Variants in NUP107 observed in about 807,000 individuals in gnomAD.
NUP107 encodes the protein nuclear pore complex protein Nup107.
In NUP107, 101 loss-of-function variants were observed where a neutral mutation model predicts 141.0. The ratio of observed to expected loss-of-function variants is 0.72; its 90% CI spans 0.61 to 0.84. The LOEUF is 0.84. NUP107 is among the 40% of genes least tolerant of loss of function. The probability of loss-of-function intolerance (pLI) is 0.00; values close to 1 mark genes in which losing one functional copy is unlikely to be tolerated. For missense variants in NUP107, 941 were observed against 1,102.7 expected (o/e 0.85, Z 2.08); for synonymous variants, 319 against 363.9 (o/e 0.88, Z 1.41).
chr12:68,727,355 A>G lies in NUP107; in HGVS notation c.1700A>G (p.Glu567Gly). Reference protein sequence around the residue: ...FRTLGLQTKEEVSIEVLKTYI... With the variant: ...FRTLGLQTKEGVSIEVLKTYI... The stretch of plus-strand genomic sequence containing the variant: ...ATGTCTTTTTTTCCTATGAAGGAGG[A>G]AGTTTCTATTGAAGTTTTAAAGACA... Residue 567 changes from glutamate to glycine, a missense_variant, in exon 20 of 28, where the codon GAA becomes GGA. Glu to Gly is a moderately conservative substitution (Grantham distance 98). Transcript: ENST00000229179. 1 of 1,500,292 alleles carries G rather than the reference A, an allele frequency of 6.7e-7. No homozygotes were observed. Among genetic ancestry groups the G allele is most frequent in the Non-Finnish European group, 9.2e-7 (1 of 1,086,886 alleles). The allele number at this position is 1,500,292 out of a possible 1,614,324, so 92.9% of individuals were successfully genotyped here.
At position 68,721,971 on chromosome 12, in the gene NUP107, A is replaced by T. The variant is rs200373213; in HGVS notation, c.1442A>T (p.Glu481Val). ...TLDETEELPR[E>V]YLGANWTLEK... ...GATGAAACTGAAGAACTCCCTAGAGAATATCTGGGAGCAAAGTGAGTTTGT... is the reference window on the plus strand; with the variant it reads ...GATGAAACTGAAGAACTCCCTAGAGTATATCTGGGAGCAAAGTGAGTTTGT... Residue 481 changes from glutamate (E) to valine (V), a missense_variant, in exon 16 of 28, where the codon GAA becomes GTA. Coordinates refer to ENST00000229179, the MANE Select transcript of NUP107 (RefSeq NM_020401.4). 8 of 1,613,568 alleles carry T rather than the reference A, an allele frequency of 5.0e-6. No homozygotes were observed. Among genetic ancestry groups the T allele is most frequent in the Non-Finnish European group, 5.9e-6 (7 of 1,179,856 alleles).
rs2136030156 is a variant in NUP107, at chr12:68,719,583, G to C, written c.1180G>C (p.Glu394Gln). 1.9e-6 allele frequency: 3 copies of C among 1,611,860 alleles called. No individual in the cohort carries two copies. The highest frequency in any genetic ancestry group is 2.7e-5 in the African/African-American group (2 of 74,984). The part of the protein sequence containing the change: ...YHDPNVNGGT[E>Q]LEPVEGNPYR... ...TTTCTTTTGCTATTTTATAGGAACA[G>C]AATTAGAACCTGTTGAAGGGAATCC... The change falls in exon 14 of 28, where the codon GAA becomes CAA. Residue 394 changes from glutamate (E) to glutamine (Q), a missense_variant. Transcript: ENST00000229179.
chr12:68,723,107 G>A (rs1252979647), intron 17 of NUP107, among the ~76,000 whole-genome samples: 2 of 152,122 alleles, frequency 1.3e-5, no homozygotes, highest in Admixed American at 1.3e-4. Flanking sequence ...AGGTATGGTG[G>A]CTCACATCTG....
chr12:68,724,572 T>C (rs1592514711), intron 17 of NUP107, among the ~76,000 whole-genome samples: 1 of 151,254 alleles, frequency 6.6e-6, no homozygotes, highest in Non-Finnish European at 1.5e-5. Flanking sequence ...AGCTCAGGAG[T>C]TTGAGACCGG....
At position 68,719,248 on chromosome 12, in the gene NUP107, T is replaced by C. The variant is rs1280417571; in HGVS notation, c.1084-93T>C. ...TGTAATGGGATGGATGGAACATTTG[T>C]TCCATAAGTTATCTAAGCTTGTCAT... On this transcript the variant is annotated intron_variant, in intron 12 of 27. Transcript: ENST00000229179. The C allele has an allele frequency of 1.2e-5, 10 of 860,872 alleles. No individual in the cohort carries two copies. The East Asian group carries it at 1.3e-4, about 11-fold the overall frequency. The allele number at this position is 860,872 out of a possible 1,614,324, so 53.3% of individuals were successfully genotyped here.
chr12:68,714,892 C>T (rs1877032652), intron 11 of NUP107, among the ~76,000 whole-genome samples: 1 of 152,162 alleles, frequency 6.6e-6, no homozygotes, highest in Non-Finnish European at 1.5e-5. Context: ...CATATGTTCT[C>T]AAAAAGTACC....
chr12:68,688,916 G>A, intron 1 of NUP107, 46 bp from the exon 2 acceptor site: 1 of 1,388,406 alleles, frequency 7.2e-7, no homozygotes, highest in Non-Finnish European at 1.0e-6. Flanking sequence ...CTTTATAAAT[G>A]CTATATTCTC....
intron 23 of NUP107, 172 bp downstream of exon 23, chr12:68,732,911 G>T: frequency 4.8e-6 from 2 of 416,796 alleles, no homozygotes; most frequent in East Asian, 7.0e-5. Flanking sequence ...TCGAACTCCT[G>T]GCCTGAAGCA....
intron 19 of NUP107, 70 bp from the exon 20 acceptor site, chr12:68,727,275 ATGGAAT>A: frequency 1.4e-6 from 1 of 729,632 alleles, no homozygotes; most frequent in Non-Finnish European, 2.4e-6. Flanking sequence ...TTATTTAATA[ATGGAAT>A]TTGTATCAAA....
rs1875812818 is a variant in NUP107 at position 68,691,968 on chromosome 12, G to T, written c.304G>T (p.Val102Phe). The stretch of plus-strand genomic sequence containing the variant: ...TTTTACTTTTTTGTTTTTTTTTAAG[G>T]TTACTAATCTGGATGACAGTAACTG... ...SSGFFGNLSMVTNLDDSNWAA... is the reference protein window; with the variant it reads ...SSGFFGNLSMFTNLDDSNWAA... Residue 102 changes from valine to phenylalanine, a missense_variant and splice_region_variant, in exon 5 of 28, where the codon GTT (valine) becomes TTT (phenylalanine). By Grantham distance (50) the Val-to-Phe change is conservative. Coordinates refer to ENST00000229179, the MANE Select transcript of NUP107 (RefSeq NM_020401.4). 2.5e-6 allele frequency: 4 copies of T among 1,586,046 alleles called. No individual in the cohort carries two copies. The highest frequency in any genetic ancestry group is 2.8e-5 in the African/African-American group (2 of 72,616).
Position 68,743,650 on chromosome 12 carries a change from G to A in NUP107, c.*1188G>A, listed in dbSNP as rs1878407788. On this transcript the variant is annotated 3_prime_UTR_variant, in exon 28 of 28. Transcript: ENST00000229179. ...TAGAGTGTAGGGCTTATAAACAGGA[G>A]ACAACTAAAAGAATGTGATTCTAAT... is the stretch of plus-strand genomic sequence containing the variant. 1 of 152,042 alleles carries A rather than the reference G, an allele frequency of 6.6e-6. No homozygotes were observed. Among genetic ancestry groups the A allele is most frequent in the Admixed American group, 6.5e-5 (1 of 15,272 alleles). The allele number at this position is 152,042 out of a possible 1,614,324, so 9.4% of individuals were successfully genotyped here. A position where few individuals can be genotyped will look rare whatever the true frequency, so the allele number is the denominator to read the frequency against.
rs190840015 is a variant in NUP107 at position 68,692,195 on chromosome 12, C to T, written c.448+83C>T. The T allele has an allele frequency of 1.8e-5, 24 of 1,313,590 alleles. No individual in the cohort carries two copies. The Admixed American group carries it at 4.2e-4, about 23-fold the overall frequency. 81.4% of individuals were successfully genotyped at this position (1,313,590 alleles called of 1,614,324 possible). On this transcript the variant is annotated intron_variant, in intron 5 of 27. Transcript: ENST00000229179. ...ACCATTTCTTCCTGTTTCTGAACGT[C>T]ATTATGTTTTTCTTTTCTTTCTTTC...
At chr12:68,722,568 A>G (rs1382325716) in intron 17 of NUP107, among the ~76,000 whole-genome samples, 3 of 152,114 alleles carry the variant, frequency 2.0e-5, no homozygotes, top group African/African-American at 4.8e-5. Flanking sequence ...AGTAATTTCT[A>G]CCCCTTTATG....
intron 5 of NUP107, among the ~76,000 whole-genome samples, chr12:68,692,939 G>A (rs1428199559): frequency 6.6e-6 from 1 of 151,638 alleles, no homozygotes; most frequent in South Asian, 2.1e-4. Context: ...TAGTAGAAAC[G>A]GGGTTTTGCC....
At chr12:68,722,381 C>T (rs1223654580) in intron 17 of NUP107, among the ~76,000 whole-genome samples, 1 of 151,922 alleles carries the variant, frequency 6.6e-6, no homozygotes, top group Non-Finnish European at 1.5e-5. Flanking sequence ...TATATTTATT[C>T]CTTTTTTAAA....
intron 14 of NUP107, among the ~76,000 whole-genome samples, chr12:68,720,265 C>T (rs1245141052): frequency 1.3e-5 from 2 of 151,916 alleles, no homozygotes; most frequent in Non-Finnish European, 2.9e-5. Flanking sequence ...TCAAACAGTT[C>T]AAAAAATACA....
chr12:68,696,877 A>G lies in NUP107; in HGVS notation c.507A>G (p.Thr169=). The change falls in exon 6 of 28, where the codon ACA becomes ACG. Residue 169 remains threonine (T), a synonymous_variant. Transcript: ENST00000229179. ...CTTTTCTGAAGCACTCTTCGAGTAC[A>G]GTTTTTGATCTTGTGGAAGAGTATG... ...LQSFLKHSSS[T]VFDLVEEYEN... is the part of the protein sequence containing the mutation. 2 of 1,610,856 alleles carry G rather than the reference A, an allele frequency of 1.2e-6. No individual in the cohort carries two copies. Among genetic ancestry groups the G allele is most frequent in the Non-Finnish European group, 1.7e-6 (2 of 1,178,648 alleles).
chr12:68,725,310 G>A (rs1486738782), intron 17 of NUP107, among the ~76,000 whole-genome samples: 2 of 151,830 alleles, frequency 1.3e-5, no homozygotes, highest in Non-Finnish European at 2.9e-5. Flanking sequence ...ATGTACAGAA[G>A]AGAATACTCA....
At chr12:68,740,407 C>A (rs1476596992) in intron 26 of NUP107, among the ~76,000 whole-genome samples, 1 of 152,152 alleles carries the variant, frequency 6.6e-6, no homozygotes, top group African/African-American at 2.4e-5. Context: ...TGTAAAGAAG[C>A]ACTTTAATAT....
Sources: allele counts gnomAD v4.1 joint callset (sites outside exome capture counted in the v4.1 genomes callset), GRCh38; gene constraint gnomAD v4.1.1; transcripts MANE v1.5; gene names NCBI Gene and HGNC (gene_info 2026-07-23, HGNC 2026-07-21).